Variants in ARAP1 observed in about 807,000 individuals in gnomAD.
ARAP1 encodes ArfGAP with RhoGAP domain, ankyrin repeat and PH domain 1, also known as arf-GAP with Rho-GAP domain, ANK repeat and PH domain-containing protein 1.
In ARAP1, 76 loss-of-function variants were observed where a neutral mutation model predicts 172.2. The observed-to-expected ratio is 0.44, with a 90% CI of 0.37 to 0.53. The LOEUF is 0.53. Ranked by LOEUF, ARAP1 falls within the 20% of genes least tolerant of loss-of-function variation. The pLI is 0.00. For synonymous variants in ARAP1, 804 were observed against 803.3 expected (o/e 1.00, Z -0.01); for missense variants, 1,686 against 1,977.5 (o/e 0.85, Z 2.80).
At chr11:72,739,730 C>T (rs67075228) in intron 1 of ARAP1, among the ~76,000 whole-genome samples, 20,587 of 152,222 alleles carry the variant, frequency 0.14, 1,781 homozygotes, top group African/African-American at 0.23. Context: ...CACTCCTCTG[C>T]CGTCAGGCAG....
chr11:72,729,742 A>C (rs1400409507), intron 2 of ARAP1, among the ~76,000 whole-genome samples: 1 of 151,084 alleles, frequency 6.6e-6, no homozygotes, highest in African/African-American at 2.4e-5. Flanking sequence ...ACACAGCAAG[A>C]CTCTGTCTCT....
intron 2 of ARAP1, among the ~76,000 whole-genome samples, chr11:72,729,808 G>A (rs1241878140): frequency 6.6e-6 from 1 of 151,416 alleles, no homozygotes; most frequent in Non-Finnish European, 1.5e-5. Flanking sequence ...TCAGCTACTT[G>A]TGAGGATGAG....
At chr11:72,702,831 T>G in intron 15 of ARAP1, 74 bp downstream of exon 15, 1 of 1,514,974 alleles carries the variant, frequency 6.6e-7, no homozygotes, top group Non-Finnish European at 8.9e-7. Flanking sequence ...GATCACGGCC[T>G]GAGAGCAGCA....
chr11:72,721,005 G>A (rs912173847), intron 3 of ARAP1, among the ~76,000 whole-genome samples: 2 of 152,084 alleles, frequency 1.3e-5, no homozygotes, highest in African/African-American at 4.8e-5. Flanking sequence ...GGCTCCTGAG[G>A]GCAGCAGCAG....
chr11:72,705,927 C>A (rs376519961), intron 12 of ARAP1, 37 bp from the exon 13 acceptor site: 28 of 1,608,002 alleles, frequency 1.7e-5, no homozygotes, highest in African/African-American at 5.3e-5. Context: ...TCACCTGGGC[C>A]CCCCCTTCAC....
intron 30 of ARAP1, among the ~76,000 whole-genome samples, chr11:72,690,535 T>C (rs1855894104): frequency 6.6e-6 from 1 of 152,146 alleles, no homozygotes; most frequent in Admixed American, 6.5e-5. Context: ...ACTACAAGCA[T>C]GCACCATCAC....
chr11:72,704,091 G>A, intron 14 of ARAP1, 61 bp downstream of exon 14: 1 of 1,602,290 alleles, frequency 6.2e-7, no homozygotes, highest in Non-Finnish European at 8.5e-7. Flanking sequence ...ACAGCATGAG[G>A]AACAGGGCAG....
chr11:72,696,677 GT>G (rs757921409), intron 22 of ARAP1, 23 bp from the exon 23 acceptor site: 1 of 1,555,208 alleles, frequency 6.4e-7, no homozygotes, highest in East Asian at 2.3e-5. Flanking sequence ...GATAAATCAA[GT>G]CAGAAACCCC....
intron 11 of ARAP1, 157 bp downstream of exon 11, chr11:72,709,713 G>T: frequency 1.3e-6 from 1 of 744,226 alleles, no homozygotes; most frequent in East Asian, 2.6e-5. Flanking sequence ...GATCAGAGAG[G>T]GTTAGCAAGT....
chr11:72,743,991 C>T (rs990550935), intron 1 of ARAP1, among the ~76,000 whole-genome samples: 16 of 152,126 alleles, frequency 1.1e-4, no homozygotes, highest in African/African-American at 3.6e-4. Context: ...CACTCTCACG[C>T]TCCAACACCA....
At position 72,697,085 on chromosome 11, in the gene ARAP1, G is replaced by C. The variant is rs775945211; in HGVS notation, c.3064C>G (p.Gln1022Glu). 1.4e-4 allele frequency: 230 copies of C among 1,609,558 alleles called. No individual in the cohort carries two copies. Among genetic ancestry groups the C allele is most frequent in the Non-Finnish European group, 1.9e-4 (223 of 1,179,944 alleles). Residue 1022 changes from glutamine to glutamate, a missense_variant, in exon 22 of 35, where the codon CAG becomes GAG. Transcript: ENST00000393609. ...ARSVHLKEGEQHVDDVSSALK... is the reference protein window; with the variant it reads ...ARSVHLKEGEEHVDDVSSALK... Reference sequence around the variant, plus strand: ...GCCGAGGAAACATCATCCACGTGCTGCTCGCCCTCCTTGAGGTGCACAGAG... The same window carrying C: ...GCCGAGGAAACATCATCCACGTGCTCCTCGCCCTCCTTGAGGTGCACAGAG...
intron 30 of ARAP1, chr11:72,688,766 C>G (rs1855798950): frequency 1.9e-6 from 1 of 517,806 alleles, no homozygotes; most frequent in Non-Finnish European, 3.5e-6. Context: ...CAGTATCAGA[C>G]AGTCAACCCT....
chr11:72,704,100 A>G, intron 14 of ARAP1, 52 bp downstream of exon 14: 1 of 1,608,674 alleles, frequency 6.2e-7, no homozygotes, highest in African/African-American at 1.3e-5. Flanking sequence ...GGAACAGGGC[A>G]GCAGAAAGAC....
Position 72,710,342 on chromosome 11 carries a change from A to G in ARAP1, c.1416+43T>C, listed in dbSNP as rs1459922775. 6.2e-7 allele frequency: 1 copy of G among 1,606,944 alleles called. No individual in the cohort carries two copies. Among genetic ancestry groups the G allele is most frequent in the Non-Finnish European group, 8.5e-7 (1 of 1,174,468 alleles). ...GCCCTAGGTCAGCCTGGGGCAGGGTAGGTGGACATGGGCAGGGGAGAGGTT... is the reference window on the plus strand; with the variant it reads ...GCCCTAGGTCAGCCTGGGGCAGGGTGGGTGGACATGGGCAGGGGAGAGGTT... On this transcript the variant is annotated intron_variant, in intron 10 of 34. Transcript: ENST00000393609. The surrounding 1 kb of genome is among the most constrained non-coding windows in gnomAD (Gnocchi z 4.3).
intron 1 of ARAP1, among the ~76,000 whole-genome samples, chr11:72,747,350 T>C (rs1439182091): frequency 6.6e-6 from 1 of 152,136 alleles, no homozygotes; most frequent in Non-Finnish European, 1.5e-5. Flanking sequence ...CACTGGACCA[T>C]AGGTGGTCCC....
chr11:72,712,235 A>T lies in ARAP1; in HGVS notation c.983T>A (p.Val328Asp). 6.2e-7 allele frequency: 1 copy of T among 1,608,088 alleles called. No homozygotes were observed. The highest frequency in any genetic ancestry group is 8.5e-7 in the Non-Finnish European group (1 of 1,177,562). Reference protein sequence around the residue: ...PPGGSTPVTPVIKAGWLDKNP... With the variant: ...PPGGSTPVTPDIKAGWLDKNP... ...CTTGTCCAGCCAGCCAGCCTTGATG[A>T]CTGGTGTGACGGGGGTGGAGCCCCC... Residue 328 changes from valine (V) to aspartate (D), a missense_variant, in exon 7 of 35, where the codon GTC becomes GAC. Physicochemically the swap from Val to Asp is radical, Grantham distance 152 (BLOSUM62 -3). Transcript: ENST00000393609.
chr11:72,745,911 C>T (rs982670712), intron 1 of ARAP1, among the ~76,000 whole-genome samples: 4 of 152,266 alleles, frequency 2.6e-5, no homozygotes, highest in African/African-American at 7.2e-5. Flanking sequence ...CCAGACAGCA[C>T]GGGAAACAGC....
chr11:72,737,919 C>T (rs1858081480), intron 1 of ARAP1, among the ~76,000 whole-genome samples: 1 of 152,222 alleles, frequency 6.6e-6, no homozygotes. Flanking sequence ...CCACCGCACC[C>T]AGTCCCTCAT....
Position 72,699,133 on chromosome 11 carries a change from G to A in ARAP1, c.2439-26C>T. On this transcript the variant is annotated intron_variant, in intron 17 of 34. Transcript: ENST00000393609. The surrounding 1 kb of genome is among the most constrained non-coding windows in gnomAD (Gnocchi z 4.2). Reference sequence around the variant, plus strand: ...CTGCAAATACACAGGCCAGGACTCAGGCCCACCTCATCCAGCACGGGCCCA... The same window carrying A: ...CTGCAAATACACAGGCCAGGACTCAAGCCCACCTCATCCAGCACGGGCCCA... 6.2e-7 allele frequency: 1 copy of A among 1,611,810 alleles called. No individual in the cohort carries two copies. The highest frequency in any genetic ancestry group is 8.5e-7 in the Non-Finnish European group (1 of 1,178,368).
Sources: allele counts gnomAD v4.1 joint callset (sites outside exome capture counted in the v4.1 genomes callset), GRCh38; gene constraint gnomAD v4.1.1; non-coding constraint Gnocchi (gnomAD v3.1); transcripts MANE v1.5; gene names NCBI Gene and HGNC (gene_info 2026-07-23, HGNC 2026-07-21).